CARD9: variants seen among roughly 807,000 people sequenced by gnomAD.
The protein encoded by CARD9 is caspase recruitment domain-containing protein 9.
In CARD9, 53 loss-of-function variants were observed where a neutral mutation model predicts 66.0. The observed-to-expected ratio is 0.80, with a 90% CI of 0.64 to 1.01. CARD9 has a LOEUF of 1.01. Among genes scored for constraint, CARD9 ranks in the 50% least tolerant of loss-of-function variants. The pLI is 0.00. For missense variants in CARD9, 769 were observed against 743.2 expected (o/e 1.03, Z -0.40); for synonymous variants, 387 against 313.8 (o/e 1.23, Z -2.47).
chr9:136,363,964 AC>A lies in CARD9; in HGVS notation c.*337del, dbSNP rs1436967670. ...GAGTGTCCGAGCGGGAATGCGGGTC[AC>A]CCGTGCTGTTTATTTACGCAGCTGT... On this transcript the variant is annotated 3_prime_UTR_variant, in exon 13 of 13. Coordinates refer to ENST00000371732, the MANE Select transcript of CARD9 (RefSeq NM_052813.5). 5.8e-6 allele frequency: 6 copies of A among 1,039,850 alleles called. No individual in the cohort carries two copies. Among genetic ancestry groups the A allele is most frequent in the Non-Finnish European group, 8.7e-6 (6 of 689,792 alleles). The allele number at this position is 1,039,850 out of a possible 1,614,324, so 64.4% of individuals were successfully genotyped here.
rs747925378 is a variant in CARD9, at chr9:136,370,989, C to A, written c.479G>T (p.Arg160Leu). 1 of 1,611,178 alleles carries A rather than the reference C, an allele frequency of 6.2e-7. No homozygotes were observed. The highest frequency in any genetic ancestry group is 1.1e-5 in the South Asian group (1 of 90,704). The change falls in exon 4 of 13, where the codon CGT becomes CTT. Residue 160 changes from arginine to leucine, a missense_variant. Physicochemically the swap from Arg to Leu is moderately radical, Grantham distance 102 (BLOSUM62 -2). Transcript: ENST00000371732. ...GCACTCCTCCTTGAGCCTCTGCACACGCTCCTGGTGCTTGCGCAGCAGGCT... is the reference window on the plus strand; with the variant it reads ...GCACTCCTCCTTGAGCCTCTGCACAAGCTCCTGGTGCTTGCGCAGCAGGCT... Reference protein sequence around the residue: ...KDSLLRKHQERVQRLKEECEA... With the variant: ...KDSLLRKHQELVQRLKEECEA...
chr9:136,371,274 C>G (rs769311886), intron 3 of CARD9, 50 bp downstream of exon 3: 1 of 1,575,910 alleles, frequency 6.3e-7, no homozygotes, highest in Non-Finnish European at 8.6e-7. Context: ...CACCACTGCC[C>G]GCTCCCCGCC....
chr9:136,369,798 G>A lies in CARD9; in HGVS notation c.1029C>T (p.Ile343=), dbSNP rs966910034. ...CCTCCATCTGCAGCAGGATGGCCTCGATGCGGTCCTTGTACATCTTGGAGT... is the reference window on the plus strand; with the variant it reads ...CCTCCATCTGCAGCAGGATGGCCTCAATGCGGTCCTTGTACATCTTGGAGT... ...RKDSKMYKDR[I]EAILLQMEEV... Residue 343 remains isoleucine, a synonymous_variant, in exon 7 of 13, where the codon ATC becomes ATT. Transcript: ENST00000371732. 13 of 1,612,106 alleles carry A rather than the reference G, an allele frequency of 8.1e-6. No homozygotes were observed. The highest frequency in any genetic ancestry group is 2.7e-5 in the African/African-American group (2 of 74,938).
chr9:136,366,441 GC>G (rs1416312105), intron 10 of CARD9: 1 of 348,846 alleles, frequency 2.9e-6, no homozygotes, highest in African/African-American at 2.1e-5. Context: ...GCTTGGAGCA[GC>G]CAGGACTGGG....
intron 7 of CARD9, among the ~76,000 whole-genome samples, chr9:136,369,062 C>T (rs922364518): frequency 3.3e-5 from 5 of 152,174 alleles, no homozygotes; most frequent in Non-Finnish European, 5.9e-5. Context: ...TCAAGTGAGC[C>T]GCCTGCCTCG....
At chr9:136,373,268 G>A (rs972193136) in intron 1 of CARD9, among the ~76,000 whole-genome samples, 1 of 152,224 alleles carries the variant, frequency 6.6e-6, no homozygotes, top group Admixed American at 6.5e-5. Flanking sequence ...AAAAACACTG[G>A]CCACACGGTA....
chr9:136,371,466 G>T lies in CARD9; in HGVS notation c.185-5C>A, dbSNP rs760533705. Reference sequence around the variant, plus strand: ...GCAGGATGTCCAGGAGCACACCTGCGGGCCAGAGAGGCCTAACTGGGGGCG... The same window carrying T: ...GCAGGATGTCCAGGAGCACACCTGCTGGCCAGAGAGGCCTAACTGGGGGCG... On this transcript the variant is annotated splice_region_variant and splice_polypyrimidine_tract_variant and intron_variant, in intron 2 of 12. Transcript: ENST00000371732. 1 of 1,572,992 alleles carries T rather than the reference G, an allele frequency of 6.4e-7. No homozygotes were observed. Among genetic ancestry groups the T allele is most frequent in the Non-Finnish European group, 8.6e-7 (1 of 1,158,192 alleles).
At position 136,370,290 on chromosome 9, in the gene CARD9, C is replaced by T. The variant is rs757527643; in HGVS notation, c.951+4G>A. ...GGGCCATGTCTCCCCGCCTGCCCTC[C>T]TACCCGGAGGCGTCGGGCCTCGCCC... On this transcript the variant is annotated splice_donor_region_variant and intron_variant, in intron 6 of 12. Coordinates refer to ENST00000371732, the MANE Select transcript of CARD9 (RefSeq NM_052813.5). The T allele has an allele frequency of 1.2e-4, 188 of 1,600,380 alleles. 2 individuals carry two copies. In the Admixed American group the frequency reaches 3.1e-3, roughly 27 times the overall value.
At chr9:136,369,607 C>A in intron 7 of CARD9, 143 bp downstream of exon 7, 1 of 1,478,124 alleles carries the variant, frequency 6.8e-7, no homozygotes, top group Non-Finnish European at 9.0e-7. Context: ...TAGTTTGAGG[C>A]CACCCTGGGT....
At chr9:136,373,195 C>T (rs952725397) in intron 1 of CARD9, among the ~76,000 whole-genome samples, 3 of 152,240 alleles carry the variant, frequency 2.0e-5, no homozygotes, top group African/African-American at 7.2e-5. Context: ...TGAGGCATTT[C>T]TCAACTTCCC....
rs78538457 is a variant in CARD9, at chr9:136,370,955, G to A, written c.513C>T (p.Gly171=). Residue 171 remains glycine, a synonymous_variant, in exon 4 of 13, where the codon GGC becomes GGT. Coordinates refer to ENST00000371732, the MANE Select transcript of CARD9 (RefSeq NM_052813.5). ...CCTTGCAGCGCTTGAGCTCGCGGCT[G>A]CCGGCCTCGCACTCCTCCTTGAGCC... ...VQRLKEECEA[G]SRELKRCKEE... The A allele has an allele frequency of 1.4e-4, 222 of 1,611,070 alleles. 4 individuals are homozygous for A. In the East Asian group the frequency reaches 4.1e-3, roughly 30 times the overall value.
chr9:136,369,937 A>G (rs1833217983), intron 6 of CARD9, 62 bp from the exon 7 acceptor site: 9 of 1,601,670 alleles, frequency 5.6e-6, no homozygotes, highest in South Asian at 1.1e-5. Flanking sequence ...CCCTTGGGGT[A>G]TACTCCGGGC....
At position 136,370,337 on chromosome 9, in the gene CARD9, G is replaced by A. The variant is rs367837889; in HGVS notation, c.908C>T (p.Ser303Phe). The A allele has an allele frequency of 6.2e-7, 1 of 1,609,516 alleles. No homozygotes were observed. Among genetic ancestry groups the A allele is most frequent in the Non-Finnish European group, 8.5e-7 (1 of 1,179,272 alleles). Residue 303 changes from serine to phenylalanine, a missense_variant, in exon 6 of 13, where the codon TCC becomes TTC. Ser to Phe is a radical substitution (Grantham distance 155). Transcript: ENST00000371732. ...GCCCTGGCGGAGGTCCTTGCGCAGGGAGAAGATGGTGTTGGCCTGCTCCTG... is the reference window on the plus strand; with the variant it reads ...GCCCTGGCGGAGGTCCTTGCGCAGGAAGAAGATGGTGTTGGCCTGCTCCTG... ...DHQEQANTIFSLRKDLRQGEA... is the reference protein window; with the variant it reads ...DHQEQANTIFFLRKDLRQGEA...
At chr9:136,366,707 C>T in intron 10 of CARD9, 93 bp downstream of exon 10, 2 of 1,363,088 alleles carry the variant, frequency 1.5e-6, no homozygotes, top group Non-Finnish European at 2.1e-6. Context: ...TGGGGGTTGA[C>T]ACAGGCATTG....
At chr9:136,369,665 C>T (rs566340960) in intron 7 of CARD9, 85 bp downstream of exon 7, 17 of 1,532,814 alleles carry the variant, frequency 1.1e-5, no homozygotes, top group Admixed American at 5.9e-5. Flanking sequence ...GATTAAAAAT[C>T]CTCTGACAAC....
rs751999055 is a variant in CARD9 at position 136,371,850 on chromosome 9, T to C, written c.184+45A>G. ...AGCGTGCAGCCACCTCCGAGCTGAC[T>C]CTGTGGTTGGGTTTGGGGCCTGGGG... On this transcript the variant is annotated intron_variant, in intron 2 of 12. Coordinates refer to ENST00000371732, the MANE Select transcript of CARD9 (RefSeq NM_052813.5). 14 of 1,562,000 alleles carry C rather than the reference T, an allele frequency of 9.0e-6. No homozygotes were observed. In the East Asian group the frequency reaches 2.7e-4, roughly 30 times the overall value.
Position 136,369,880 on chromosome 9 carries a change from A to T in CARD9, c.952-5T>A, listed in dbSNP as rs1564368836. 6.2e-7 allele frequency: 1 copy of T among 1,611,450 alleles called. No individual in the cohort carries two copies. The highest frequency in any genetic ancestry group is 8.5e-7 in the Non-Finnish European group (1 of 1,179,978). ...CATCTCCTTCTCCTCCATGCACTGC[A>T]GGGGGCGGCAGCTCAGCCCCCACAG... On this transcript the variant is annotated splice_polypyrimidine_tract_variant and splice_region_variant and intron_variant, in intron 6 of 12. Coordinates refer to ENST00000371732, the MANE Select transcript of CARD9 (RefSeq NM_052813.5).
intron 11 of CARD9, chr9:136,364,767 GAC>G: frequency 1.6e-6 from 1 of 617,404 alleles, no homozygotes; most frequent in Non-Finnish European, 2.8e-6. Flanking sequence ...CAGATGCCAA[GAC>G]ACACCCAGGA....
chr9:136,370,209 C>T, intron 6 of CARD9, 85 bp downstream of exon 6: 2 of 1,544,222 alleles, frequency 1.3e-6, no homozygotes, highest in Non-Finnish European at 1.7e-6. Context: ...CCACACCCCA[C>T]CTTCCAGGCA....
Sources: allele counts gnomAD v4.1 joint callset (sites outside exome capture counted in the v4.1 genomes callset), GRCh38; gene constraint gnomAD v4.1.1; transcripts MANE v1.5; gene names NCBI Gene and HGNC (gene_info 2026-07-23, HGNC 2026-07-21).